Variants in SVIL observed in about 807,000 individuals in gnomAD.
SVIL encodes archvillin.
Under a neutral mutation model 240.4 loss-of-function variants are expected in SVIL, and 101 were observed. The observed-to-expected ratio is 0.42, with a 90% CI of 0.36 to 0.50. SVIL has a LOEUF of 0.50. SVIL is among the 20% of genes least tolerant of loss of function. SVIL has a pLI of 0.01. For synonymous variants in SVIL, 999 were observed against 1,100.0 expected, an observed-to-expected ratio of 0.91 and a Z score of 1.82; for missense variants, 2,512 against 2,818.7, an observed-to-expected ratio of 0.89 and a Z score of 2.46.
chr10:29,563,013 T>C (rs1269897013), intron 3 of SVIL, among the ~76,000 whole-genome samples, 188 bp downstream of exon 3: 2 of 151,390 alleles, frequency 1.3e-5, no homozygotes, highest in African/African-American at 2.4e-5. Context: ...AGTAGAAAGG[T>C]GAGGATTAAA....
intron 1 of SVIL, among the ~76,000 whole-genome samples, chr10:29,700,988 G>A (rs1054877872): frequency 4.6e-5 from 7 of 152,156 alleles, no homozygotes; most frequent in African/African-American, 1.4e-4. Flanking sequence ...TCCTCTCCAC[G>A]CTCCAGCCCT....
chr10:29,524,749 C>G, intron 13 of SVIL, 34 bp from the exon 14 acceptor site: 2 of 1,607,158 alleles, frequency 1.2e-6, no homozygotes, highest in Non-Finnish European at 1.7e-6. Context: ...ACACATATAC[C>G]AACAAACAAA....
intron 1 of SVIL, among the ~76,000 whole-genome samples, chr10:29,625,549 T>C (rs17544291): frequency 0.091 from 13,872 of 152,172 alleles, 780 homozygotes; most frequent in Admixed American, 0.14. Context: ...CTGCAAGCTC[T>C]GCCTCCTGGG....
At chr10:29,625,080 AAC>A (rs1328811292) in intron 1 of SVIL, among the ~76,000 whole-genome samples, 2 of 152,172 alleles carry the variant, frequency 1.3e-5, no homozygotes, top group South Asian at 2.1e-4. Flanking sequence ...AGAAAAAAAA[AAC>A]ACACAGAAAG....
chr10:29,534,693 A>C (rs1951618246), intron 7 of SVIL, among the ~76,000 whole-genome samples: 1 of 152,234 alleles, frequency 6.6e-6, no homozygotes, highest in South Asian at 2.1e-4. Context: ...TGGCTCAGTC[A>C]GGTTGAGCTG....
At position 29,729,574 on chromosome 10, in the gene SVIL, A is replaced by G. The variant is rs1772981220; in HGVS notation, c.-400+6177T>C. 3.3e-5 allele frequency among the ~76,000 whole-genome samples: 5 copies of G among 150,858 alleles called. No homozygotes were observed. The South Asian group carries it at 8.5e-4, about 26-fold the overall frequency. On this transcript the variant is annotated intron_variant, in intron 1 of 35. Transcript: ENST00000375400. ...CAATTGGCCGGGTGCGGTGGCTCAC[A>G]CCTGTAATCCCAGCACTTTGGGAGG...
At chr10:29,542,402 A>G (rs1952242251) in intron 6 of SVIL, among the ~76,000 whole-genome samples, 1 of 152,188 alleles carries the variant, frequency 6.6e-6, no homozygotes, top group South Asian at 2.1e-4. Context: ...TACCAGACTT[A>G]CAGAAGAGCT....
intron 3 of SVIL, among the ~76,000 whole-genome samples, chr10:29,646,449 G>C (rs11007683): frequency 0.16 from 24,854 of 152,150 alleles, 2,144 homozygotes; most frequent in Middle Eastern, 0.24. Flanking sequence ...ACAAAGACAC[G>C]GCTTACTGGC....
In SVIL at chr10:29,564,529, T is replaced by A. The variant is rs543542216; in HGVS notation, c.-142-1237A>T. On this transcript the variant is annotated intron_variant, in intron 2 of 37. Transcript: ENST00000355867. ...GAAAAGACTCACTGTGAAGCTGACCTTCCCCCTGTTCGGGTGCATTTCCAT... is the reference window on the plus strand; with the variant it reads ...GAAAAGACTCACTGTGAAGCTGACCATCCCCCTGTTCGGGTGCATTTCCAT... Among the ~76,000 whole-genome samples the A allele has an allele frequency of 4.6e-5, 7 of 152,256 alleles. No individual in the cohort carries two copies. The South Asian group carries it at 1.2e-3, about 27-fold the overall frequency.
intron 2 of SVIL, among the ~76,000 whole-genome samples, chr10:29,672,496 A>G (rs1002751042): frequency 2.0e-5 from 3 of 152,254 alleles, no homozygotes; most frequent in Non-Finnish European, 4.4e-5. Context: ...AAAGAAAAAA[A>G]TAGAAATGCC....
intron 2 of SVIL, among the ~76,000 whole-genome samples, chr10:29,672,899 G>A (rs1247155960): frequency 2.0e-5 from 3 of 151,946 alleles, no homozygotes; most frequent in African/African-American, 7.2e-5. Flanking sequence ...TCTTAGCAAA[G>A]TTTTTGTTTT....
At position 29,634,605 on chromosome 10, in the gene SVIL, A is replaced by G. The variant is rs963958746; in HGVS notation, c.-386T>C. ...TGAATACTACTTTCAAATTCTAAGCACAAAGTAAAATCCCAAAAGTTAGCC... is the reference window on the plus strand; with the variant it reads ...TGAATACTACTTTCAAATTCTAAGCGCAAAGTAAAATCCCAAAAGTTAGCC... On this transcript the variant is annotated 5_prime_UTR_variant, in exon 1 of 38. Transcript: ENST00000355867. 6.6e-6 allele frequency: 1 copy of G among 152,192 alleles called. No homozygotes were observed. The highest frequency in any genetic ancestry group is 2.4e-5 in the African/African-American group (1 of 41,446). The allele number at this position is 152,192 out of a possible 1,614,324, so 9.4% of individuals were successfully genotyped here. A position where few individuals can be genotyped will look rare whatever the true frequency, so the allele number is the denominator to read the frequency against.
At chr10:29,588,628 G>A (rs935804435) in intron 1 of SVIL, among the ~76,000 whole-genome samples, 12 of 152,152 alleles carry the variant, frequency 7.9e-5, no homozygotes, top group East Asian at 5.8e-4. Context: ...CTGACAGAGC[G>A]TGAAAGGAAA....
intron 1 of SVIL, among the ~76,000 whole-genome samples, chr10:29,588,305 C>A: frequency 6.7e-6 from 1 of 150,352 alleles, no homozygotes. Context: ...TCTAGCACCG[C>A]TGAAACGTGT....
intron 1 of SVIL, among the ~76,000 whole-genome samples, chr10:29,595,452 G>C (rs929500305): frequency 6.6e-6 from 1 of 152,188 alleles, no homozygotes; most frequent in African/African-American, 2.4e-5. Flanking sequence ...TGCCCAGTGA[G>C]GGAGAAGTGC....
chr10:29,585,367 C>T (rs1410524078), intron 1 of SVIL, among the ~76,000 whole-genome samples: 1 of 152,002 alleles, frequency 6.6e-6, no homozygotes, highest in East Asian at 1.9e-4. Flanking sequence ...CAGCCTATTC[C>T]TTATAGAGAC....
intron 1 of SVIL, among the ~76,000 whole-genome samples, chr10:29,606,367 T>C (rs1297648822): frequency 6.6e-6 from 1 of 152,138 alleles, no homozygotes; most frequent in Non-Finnish European, 1.5e-5. Flanking sequence ...TTTGAAAAAA[T>C]TTAAGCCTGT....
At chr10:29,731,951 G>T (rs1028297946) in intron 1 of SVIL, among the ~76,000 whole-genome samples, 43 of 152,226 alleles carry the variant, frequency 2.8e-4, no homozygotes, top group Non-Finnish European at 8.8e-5. Context: ...AAATAACGCC[G>T]CCTGTTCATC....
chr10:29,556,499 A>G (rs1953949571), intron 3 of SVIL, among the ~76,000 whole-genome samples: 1 of 152,212 alleles, frequency 6.6e-6, no homozygotes, highest in South Asian at 2.1e-4. Flanking sequence ...CAGGGATAGA[A>G]GCCTTGTTTT....
Sources: allele counts gnomAD v4.1 joint callset (sites outside exome capture counted in the v4.1 genomes callset), GRCh38; gene constraint gnomAD v4.1.1; transcripts MANE v1.5; gene names NCBI Gene and HGNC (gene_info 2026-07-23, HGNC 2026-07-21).